ALKBH5: variants seen among roughly 807,000 people sequenced by gnomAD.
The protein encoded by ALKBH5 is alkB homolog 5, RNA demethylase, also known as RNA demethylase ALKBH5.
In ALKBH5, 2 loss-of-function variants were observed where a neutral mutation model predicts 32.1. The observed-to-expected ratio is 0.06, with a 90% CI of 0.03 to 0.20. The LOEUF is 0.20. ALKBH5 is among the 10% of genes least tolerant of loss of function. The pLI is 1.00. For missense variants in ALKBH5, 352 were observed against 559.5 expected, an observed-to-expected ratio of 0.63 and a Z score of 3.74; for synonymous variants, 300 against 231.7, an observed-to-expected ratio of 1.29 and a Z score of -2.68.
chr17:18,184,471 G>A lies in ALKBH5; in HGVS notation c.228G>A (p.Leu76=), dbSNP rs780301022. The change falls in exon 1 of 4, where the codon CTG becomes CTA. Residue 76 remains leucine, a synonymous_variant. Coordinates refer to ENST00000399138, the MANE Select transcript of ALKBH5 (RefSeq NM_017758.4). ...PERSDYEEQQ[L]QKEEEARKVK... is the part of the protein sequence containing the mutation. ...GCAGCGACTATGAGGAGCAGCAGCTGCAGAAGGAGGAGGAGGCGCGCAAGG... is the reference window on the plus strand; with the variant it reads ...GCAGCGACTATGAGGAGCAGCAGCTACAGAAGGAGGAGGAGGCGCGCAAGG... The A allele has an allele frequency of 1.2e-6, 2 of 1,612,626 alleles. No homozygotes were observed. Among genetic ancestry groups the A allele is most frequent in the Non-Finnish European group, 1.7e-6 (2 of 1,179,666 alleles).
chr17:18,194,274 C>T (rs1287761044), intron 1 of ALKBH5, among the ~76,000 whole-genome samples: 1 of 152,058 alleles, frequency 6.6e-6, no homozygotes, highest in African/African-American at 2.4e-5. Context: ...CTGCCTCAGC[C>T]TCCCAAGTAG....
intron 2 of ALKBH5, among the ~76,000 whole-genome samples, chr17:18,196,172 G>A (rs2047202926): frequency 6.6e-6 from 1 of 150,768 alleles, no homozygotes; most frequent in African/African-American, 2.4e-5. Context: ...ACTCCTCTTA[G>A]ACTCCTCTTG....
At chr17:18,195,066 C>T in intron 2 of ALKBH5, 31 bp downstream of exon 2, 2 of 1,590,434 alleles carry the variant, frequency 1.3e-6, no homozygotes, top group Non-Finnish European at 1.7e-6. Context: ...CCTTCTGCCT[C>T]ACCTGCAGGC....
intron 1 of ALKBH5, among the ~76,000 whole-genome samples, chr17:18,186,583 C>A (rs1215681348): frequency 6.6e-6 from 1 of 152,114 alleles, no homozygotes; most frequent in Non-Finnish European, 1.5e-5. Context: ...GACTACTACT[C>A]TCCTTAACAC....
chr17:18,195,643 C>G (rs1486105385), intron 2 of ALKBH5, among the ~76,000 whole-genome samples: 1 of 152,184 alleles, frequency 6.6e-6, no homozygotes, highest in Non-Finnish European at 1.5e-5. Flanking sequence ...GACATTGGAT[C>G]AAGACAAGCC....
At chr17:18,194,657 CCTTTT>C (rs2047195739) in intron 1 of ALKBH5, among the ~76,000 whole-genome samples, 1 of 152,036 alleles carries the variant, frequency 6.6e-6, no homozygotes, top group South Asian at 2.1e-4. Flanking sequence ...TCTGGAGTAC[CCTTTT>C]AAAAAAGGGT....
intron 1 of ALKBH5, among the ~76,000 whole-genome samples, chr17:18,192,620 T>C (rs2047183051): frequency 6.6e-6 from 1 of 152,158 alleles, no homozygotes; most frequent in Admixed American, 6.6e-5. Context: ...GAGACAAAGC[T>C]CACATTTGAA....
At chr17:18,190,931 T>C (rs1277226004) in intron 1 of ALKBH5, among the ~76,000 whole-genome samples, 2 of 152,150 alleles carry the variant, frequency 1.3e-5, no homozygotes, top group African/African-American at 4.8e-5. Flanking sequence ...ATTTGCAACA[T>C]ATACTGGTCA....
At chr17:18,186,773 T>G (rs759747597) in intron 1 of ALKBH5, among the ~76,000 whole-genome samples, 2 of 152,150 alleles carry the variant, frequency 1.3e-5, no homozygotes, top group African/African-American at 2.4e-5. Flanking sequence ...GGCTGTGGTG[T>G]TAGTGTGGGA....
intron 1 of ALKBH5, among the ~76,000 whole-genome samples, chr17:18,187,623 C>T (rs1211124807): frequency 6.6e-6 from 1 of 152,140 alleles, no homozygotes; most frequent in Non-Finnish European, 1.5e-5. Flanking sequence ...TGGACCCTTC[C>T]ACTAATTAAA....
intron 2 of ALKBH5, among the ~76,000 whole-genome samples, chr17:18,195,564 A>T (rs748476179): frequency 6.6e-6 from 1 of 152,176 alleles, no homozygotes; most frequent in African/African-American, 2.4e-5. Context: ...GCTACTTAAC[A>T]TCAACAAACC....
At chr17:18,204,718 A>T (rs993340642) in intron 2 of ALKBH5, among the ~76,000 whole-genome samples, 8 of 152,102 alleles carry the variant, frequency 5.3e-5, no homozygotes, top group African/African-American at 1.9e-4. Flanking sequence ...ACTGCACTCC[A>T]GCCTGGGCGA....
rs2047123210 is a variant in ALKBH5 at position 18,184,362 on chromosome 17, C to T, written c.119C>T (p.Ala40Val). The T allele has an allele frequency of 2.0e-6, 3 of 1,515,884 alleles. No individual in the cohort carries two copies. The highest frequency in any genetic ancestry group is 2.6e-6 in the Non-Finnish European group (3 of 1,134,924). 93.9% of individuals were successfully genotyped at this position (1,515,884 alleles called of 1,614,324 possible). Residue 40 changes from alanine (A) to valine (V), a missense_variant, in exon 1 of 4, where the codon GCC becomes GTC. This residue lies in a region of ALKBH5 where 144 missense variants were observed against 125.8 expected (regional missense o/e 1.14). Coordinates refer to ENST00000399138, the MANE Select transcript of ALKBH5 (RefSeq NM_017758.4). ...GCCGCTGCCGCAGCCGCCGTAGCCG[C>T]CGCAGCCGCAGCCGCCGCTGCCGCC... Reference protein sequence around the residue: ...AAAAAAAAVAAAAAAAAAAEP... With the variant: ...AAAAAAAAVAVAAAAAAAAEP...
At position 18,184,356 on chromosome 17, in the gene ALKBH5, T is replaced by TAGCCGCCGCAGCCGC. The variant is rs1555550099; in HGVS notation, c.123_137dup (p.Ala44_Ala48dup). ...GCCGCCGCCGCTGCCGCAGCCGCCG[T>TAGCCGCCGCAGCCGC]AGCCGCCGCAGCCGCAGCCGCCGCT... On this transcript the variant is annotated inframe_insertion, in exon 1 of 4. Transcript: ENST00000399138. The TAGCCGCCGCAGCCGC allele has an allele frequency of 1.5e-5, 23 of 1,517,806 alleles. No individual in the cohort carries two copies. The highest frequency in any genetic ancestry group is 2.0e-5 in the Non-Finnish European group (23 of 1,135,716). 94.0% of individuals were successfully genotyped at this position (1,517,806 alleles called of 1,614,324 possible).
chr17:18,192,854 C>CTTTTTTT (rs201150139), intron 1 of ALKBH5, among the ~76,000 whole-genome samples: 497 of 115,560 alleles, frequency 4.3e-3, no homozygotes, highest in Non-Finnish European at 5.6e-3. Context: ...CTGTCTTTTT[C>CTTTTTTT]TTTTTTTTTT....
At chr17:18,185,858 C>T (rs1277088572) in intron 1 of ALKBH5, among the ~76,000 whole-genome samples, 2 of 152,184 alleles carry the variant, frequency 1.3e-5, no homozygotes, top group South Asian at 2.1e-4. Flanking sequence ...TTGGAAGCGG[C>T]CTCCTTCCAG....
chr17:18,191,960 A>C (rs1241083307), intron 1 of ALKBH5, among the ~76,000 whole-genome samples: 1 of 151,942 alleles, frequency 6.6e-6, no homozygotes, highest in Non-Finnish European at 1.5e-5. Flanking sequence ...AAAAAAAAAA[A>C]AAAGTGCCTT....
At chr17:18,198,885 T>TC (rs1275010250) in intron 2 of ALKBH5, among the ~76,000 whole-genome samples, 1 of 152,176 alleles carries the variant, frequency 6.6e-6, no homozygotes, top group African/African-American at 2.4e-5. Flanking sequence ...CCTCAGACTG[T>TC]CCCTTGGTGT....
chr17:18,191,209 G>C (rs2047172465), intron 1 of ALKBH5, among the ~76,000 whole-genome samples: 1 of 152,196 alleles, frequency 6.6e-6, no homozygotes, highest in East Asian at 1.9e-4. Context: ...TTGTGAGATT[G>C]GCCAGGAGAG....
Sources: allele counts gnomAD v4.1 joint callset (sites outside exome capture counted in the v4.1 genomes callset), GRCh38; gene constraint gnomAD v4.1.1; regional missense constraint gnomAD v4.1.1; transcripts MANE v1.5; gene names NCBI Gene and HGNC (gene_info 2026-07-23, HGNC 2026-07-21).